The following SNX1 variants were observed in gnomAD, a reference collection of about 807,000 sequenced individuals.
SNX1 encodes sorting nexin 1, also known as sorting nexin-1.
In SNX1, 36 loss-of-function variants were observed where a neutral mutation model predicts 71.8. That is an observed-to-expected ratio of 0.50 (90% CI 0.38 to 0.66). The LOEUF (loss-of-function observed/expected upper bound fraction) is 0.66, where lower values mean the gene tolerates loss of function less well. Among genes scored for constraint, SNX1 ranks in the 30% least tolerant of loss-of-function variants. The probability of loss-of-function intolerance (pLI) is 0.00; values close to 1 mark genes in which losing one functional copy is unlikely to be tolerated. For synonymous variants in SNX1, 254 were observed against 240.7 expected, an observed-to-expected ratio of 1.06 and a Z score of -0.51; for missense variants, 612 against 646.7, an observed-to-expected ratio of 0.95 and a Z score of 0.58.
chr15:64,126,354 C>A, intron 6 of SNX1, 134 bp downstream of exon 6: 1 of 1,010,362 alleles, frequency 9.9e-7, no homozygotes, highest in South Asian at 1.8e-5. Context: ...CCAGTGTTTT[C>A]CTACACTGGA....
intron 4 of SNX1, among the ~76,000 whole-genome samples, chr15:64,119,341 C>T (rs897778544): frequency 2.0e-5 from 3 of 152,026 alleles, no homozygotes; most frequent in African/African-American, 7.2e-5. Flanking sequence ...AGGCTGGTCT[C>T]AAACTCCTGG....
Position 64,129,731 on chromosome 15 carries a change from TG to T in SNX1, c.808-183del, listed in dbSNP as rs1311958174. Reference sequence around the variant, plus strand: ...AAAATGTTGCTGATTCTTTTTAACATGGTTCTTTGATTTTTCTGTATGGACA... The same window carrying T: ...AAAATGTTGCTGATTCTTTTTAACATGTTCTTTGATTTTTCTGTATGGACA... On this transcript the variant is annotated intron_variant, in intron 8 of 14. Coordinates refer to ENST00000559844, the MANE Select transcript of SNX1 (RefSeq NM_003099.5). This position sits in a 1 kb window ranked among gnomAD's most constrained non-coding sequence, Gnocchi z 4.4. 3.5e-6 allele frequency: 2 copies of T among 565,988 alleles called. No homozygotes were observed. The highest frequency in any genetic ancestry group is 3.8e-5 in the African/African-American group (2 of 53,316). The allele number at this position is 565,988 out of a possible 1,614,324, so 35.1% of individuals were successfully genotyped here.
At chr15:64,130,773 T>G (rs1293931927) in intron 10 of SNX1, among the ~76,000 whole-genome samples, 1 of 152,228 alleles carries the variant, frequency 6.6e-6, no homozygotes, top group Non-Finnish European at 1.5e-5. Context: ...CCTCTTTGCC[T>G]TAAACATGCT....
At chr15:64,100,200 T>A (rs943997371) in intron 1 of SNX1, among the ~76,000 whole-genome samples, 9 of 152,216 alleles carry the variant, frequency 5.9e-5, no homozygotes, top group African/African-American at 2.2e-4. Context: ...TGCTCTCTTT[T>A]ACAGCCCAAG....
Position 64,137,814 on chromosome 15 carries a change from A to C in SNX1, c.*196A>C, listed in dbSNP as rs930011646. On this transcript the variant is annotated 3_prime_UTR_variant, in exon 15 of 15. Transcript: ENST00000559844. ...TTCCATATATATTTTCTTACCTAAG[A>C]GAATAGTTTCCTGCTTTAAGCAAAA... The C allele has an allele frequency of 1.4e-6, 2 of 1,421,730 alleles. No individual in the cohort carries two copies. The highest frequency in any genetic ancestry group is 5.8e-5 in the Admixed American group (2 of 34,322). 88.1% of individuals were successfully genotyped at this position (1,421,730 alleles called of 1,614,324 possible). A position where few individuals can be genotyped will look rare whatever the true frequency, so the allele number is the denominator to read the frequency against.
At chr15:64,101,677 T>C (rs1014243517) in intron 1 of SNX1, among the ~76,000 whole-genome samples, 1 of 152,202 alleles carries the variant, frequency 6.6e-6, no homozygotes, top group Non-Finnish European at 1.5e-5. Context: ...TTGAAGAACC[T>C]CCATACTGCT....
intron 4 of SNX1, among the ~76,000 whole-genome samples, chr15:64,119,447 A>AG (rs1239559327): frequency 1.3e-5 from 2 of 152,140 alleles, no homozygotes; most frequent in Non-Finnish European, 2.9e-5. Flanking sequence ...AAACCCCAAC[A>AG]GGCCAGCCAT....
At position 64,107,348 on chromosome 15, in the gene SNX1, C is replaced by G. The variant is rs190381599; in HGVS notation, c.160-5225C>G. Among the ~76,000 whole-genome samples the G allele has an allele frequency of 8.5e-5, 13 of 152,266 alleles. No homozygotes were observed. The East Asian group carries it at 2.5e-3, about 29-fold the overall frequency. ...CTGTGTGGAGCAAAGAGCAGTTAAGCAACATGAGGAAGAATCACAACTGGA... is the reference window on the plus strand; with the variant it reads ...CTGTGTGGAGCAAAGAGCAGTTAAGGAACATGAGGAAGAATCACAACTGGA... On this transcript the variant is annotated intron_variant, in intron 1 of 14. Coordinates refer to ENST00000559844, the MANE Select transcript of SNX1 (RefSeq NM_003099.5).
chr15:64,117,168 C>CT (rs1018222172), intron 2 of SNX1, among the ~76,000 whole-genome samples: 29 of 152,202 alleles, frequency 1.9e-4, no homozygotes, highest in African/African-American at 7.0e-4. Context: ...CTGACACTTG[C>CT]TTTGACGTCA....
intron 1 of SNX1, among the ~76,000 whole-genome samples, chr15:64,106,852 A>G (rs944529931): frequency 6.6e-6 from 1 of 152,226 alleles, no homozygotes; most frequent in African/African-American, 2.4e-5. Context: ...TGACACCTTG[A>G]TTTTAGCCCA....
At chr15:64,128,745 C>T (rs1051155337) in intron 8 of SNX1, among the ~76,000 whole-genome samples, 1 of 152,146 alleles carries the variant, frequency 6.6e-6, no homozygotes, top group African/African-American at 2.4e-5. Context: ...TACCCCTAAG[C>T]AGGGTATGTC....
intron 2 of SNX1, 78 bp downstream of exon 2, chr15:64,112,762 A>G: frequency 1.3e-6 from 1 of 784,702 alleles, no homozygotes; most frequent in Non-Finnish European, 2.0e-6. Context: ...TCAAAACCAA[A>G]AAAAAAAAAA....
chr15:64,124,572 C>G (rs2081231136), intron 5 of SNX1, among the ~76,000 whole-genome samples: 1 of 151,052 alleles, frequency 6.6e-6, no homozygotes, highest in African/African-American at 2.4e-5. Flanking sequence ...CATTGTTTCT[C>G]TCACCCATCC....
rs772549297 is a variant in SNX1, at chr15:64,096,043, T to G, written c.30T>G (p.Ala10=). 1 of 1,594,118 alleles carries G rather than the reference T, an allele frequency of 6.3e-7. No homozygotes were observed. Among genetic ancestry groups the G allele is most frequent in the Admixed American group, 1.8e-5 (1 of 56,558 alleles). The change falls in exon 1 of 15, where the codon GCT becomes GCG. Residue 10 remains alanine (A), a synonymous_variant. Transcript: ENST00000559844. ...CGTCGGGTGGTGGTGGCTGTAGCGC[T>G]TCGGAGAGACTGCCTCCGCCCTTCC... MASGGGGCS[A]SERLPPPFPG... is the part of the protein sequence containing the mutation.
At position 64,142,609 on chromosome 15, in the gene SNX1, A is replaced by C; in HGVS notation, c.*4991A>C. The C allele has an allele frequency of 2.2e-6, 1 of 455,910 alleles. No individual in the cohort carries two copies. Among genetic ancestry groups the C allele is most frequent in the Non-Finnish European group, 4.4e-6 (1 of 226,756 alleles). 28.2% of individuals were successfully genotyped at this position (455,910 alleles called of 1,614,324 possible). ...GAAGAGGGGAAGTTTCATGCTTGAT[A>C]ATTAAAATTTTCTGAGATAGGAATG... On this transcript the variant is annotated 3_prime_UTR_variant, in exon 15 of 15. Coordinates refer to ENST00000559844, the MANE Select transcript of SNX1 (RefSeq NM_003099.5).
At chr15:64,127,397 T>C in intron 7 of SNX1, 145 bp downstream of exon 7, 1 of 678,596 alleles carries the variant, frequency 1.5e-6, no homozygotes, top group Non-Finnish European at 2.5e-6. Flanking sequence ...TCTCTTAACT[T>C]TTCCTGAGTC....
intron 1 of SNX1, among the ~76,000 whole-genome samples, chr15:64,104,277 T>G (rs2080994492): frequency 6.7e-6 from 1 of 149,918 alleles, no homozygotes; most frequent in Non-Finnish European, 1.5e-5. Flanking sequence ...AAAGGGTTTT[T>G]TTTTTTTTTT....
At chr15:64,133,861 G>A (rs1230948021) in intron 11 of SNX1, among the ~76,000 whole-genome samples, 2 of 152,180 alleles carry the variant, frequency 1.3e-5, no homozygotes, top group Non-Finnish European at 2.9e-5. Context: ...GCAAGTCCGG[G>A]TGGGCGTGGT....
At position 64,136,803 on chromosome 15, in the gene SNX1, C is replaced by T. The variant is rs1434634001; in HGVS notation, c.1447-58C>T. ...GGCCTTGGTCAGCAATAAACACCAC[C>T]ATCCCATCGAAAGGGAAAGCAAAAA... On this transcript the variant is annotated intron_variant, in intron 13 of 14. Transcript: ENST00000559844. The T allele has an allele frequency of 4.7e-5, 60 of 1,288,298 alleles. No individual in the cohort carries two copies. In the East Asian group the frequency reaches 4.8e-4, roughly 10 times the overall value. 79.8% of individuals were successfully genotyped at this position (1,288,298 alleles called of 1,614,324 possible).
Sources: gnomAD v4.1 joint callset for allele counts (sites outside exome capture counted in the v4.1 genomes callset) on GRCh38, gnomAD v4.1.1 for gene constraint, Gnocchi (gnomAD v3.1) non-coding constraint, MANE v1.5 for transcripts, NCBI Gene and HGNC (gene_info 2026-07-23, HGNC 2026-07-21) for gene names.